Variants in NFIC observed in about 807,000 individuals in gnomAD.
NFIC encodes nuclear factor I C, also known as nuclear factor 1 C-type.
In NFIC, 12 loss-of-function variants were observed where a neutral mutation model predicts 54.4. That is an observed-to-expected ratio of 0.22 (90% CI 0.14 to 0.36). NFIC has a LOEUF of 0.36. Among genes scored for constraint, NFIC ranks in the 10% least tolerant of loss-of-function variants. The pLI, the probability that NFIC is intolerant of heterozygous loss-of-function variation, is 1.00. For missense variants in NFIC, 575 were observed against 718.2 expected (o/e 0.80, Z 2.28); for synonymous variants, 322 against 319.2 (o/e 1.01, Z -0.09).
chr19:3,370,510 T>TCCCTTTCTCCCC lies in NFIC; in HGVS notation c.30+3847_30+3858dup. Among the ~76,000 whole-genome samples the TCCCTTTCTCCCC allele has an allele frequency of 6.8e-6, 1 of 147,770 alleles. No individual in the cohort carries two copies. The highest frequency in any genetic ancestry group is 1.5e-5 in the Non-Finnish European group (1 of 67,096). The stretch of plus-strand genomic sequence containing the variant: ...CTCTCTCTCTCTCTCTCTGTCTCCC[T>TCCCTTTCTCCCC]CCCTTTCTCCCCCCATCTCGCTCTC... On this transcript the variant is annotated intron_variant, in intron 1 of 10. Transcript: ENST00000443272. The surrounding 1 kb of genome is among the most constrained non-coding windows in gnomAD (Gnocchi z 5.2).
Position 3,381,849 on chromosome 19 carries a change from G to A in NFIC, c.168G>A (p.Ala56=), listed in dbSNP as rs201762449. Residue 56 remains alanine (A), a synonymous_variant, in exon 2 of 11, where the codon GCG becomes GCA. Transcript: ENST00000443272. ...GGATGTCGAAGGACGAGGAGCGTGC[G>A]GTCAAGGACGAGCTGCTGGGCGAGA... The part of the protein sequence containing the change: ...EKRMSKDEER[A]VKDELLGEKP... The A allele has an allele frequency of 9.3e-6, 15 of 1,613,914 alleles. No individual in the cohort carries two copies. The highest frequency in any genetic ancestry group is 2.7e-5 in the African/African-American group (2 of 74,942).
intron 1 of NFIC, among the ~76,000 whole-genome samples, chr19:3,374,990 C>A (rs1271179574): frequency 6.6e-6 from 1 of 152,016 alleles, no homozygotes; most frequent in Non-Finnish European, 1.5e-5. Context: ...TGGCACCTGT[C>A]CCCGGAAAGG....
At chr19:3,390,991 A>G (rs1416939795) in intron 2 of NFIC, among the ~76,000 whole-genome samples, 1 of 152,138 alleles carries the variant, frequency 6.6e-6, no homozygotes, top group East Asian at 1.9e-4. Flanking sequence ...GGTTAATGCC[A>G]CTGAACTTAG....
chr19:3,393,051 C>T (rs1234496710), intron 2 of NFIC, among the ~76,000 whole-genome samples: 1 of 152,168 alleles, frequency 6.6e-6, no homozygotes, highest in Non-Finnish European at 1.5e-5. Context: ...AGCAATTCTC[C>T]CGCCTCAGCC....
In NFIC at chr19:3,467,821, A is replaced by G. The variant is rs1052360779; in HGVS notation, c.*5052A>G. ...GAATTTGTTTCTCATAATACAGAAT[A>G]TATAGTGGCTACCTTGTATCTTGGT... On this transcript the variant is annotated 3_prime_UTR_variant, in exon 11 of 11. Transcript: ENST00000443272. The G allele has an allele frequency of 8.9e-5, 12 of 134,832 alleles. No individual in the cohort carries two copies. Among genetic ancestry groups the G allele is most frequent in the African/African-American group, 2.4e-4 (8 of 32,980 alleles). The allele number at this position is 134,832 out of a possible 1,614,324, so 8.4% of individuals were successfully genotyped here. A position where few individuals can be genotyped will look rare whatever the true frequency, so the allele number is the denominator to read the frequency against.
At position 3,435,071 on chromosome 19, in the gene NFIC, C is replaced by T. The variant is rs765163100; in HGVS notation, c.834-12C>T. The T allele has an allele frequency of 2.5e-6, 4 of 1,578,996 alleles. No individual in the cohort carries two copies. Among genetic ancestry groups the T allele is most frequent in the Non-Finnish European group, 3.5e-6 (4 of 1,157,424 alleles). Reference sequence around the variant, plus strand: ...CCTGGTAACCAGCCTCTCCCCTTCCCTCGCCCATAAGGAGCAAGCGGCACA... The same window carrying T: ...CCTGGTAACCAGCCTCTCCCCTTCCTTCGCCCATAAGGAGCAAGCGGCACA... On this transcript the variant is annotated splice_polypyrimidine_tract_variant and intron_variant, in intron 5 of 10. Coordinates refer to ENST00000443272, the MANE Select transcript of NFIC (RefSeq NM_001245002.2).
At chr19:3,417,176 C>T (rs191556743) in intron 2 of NFIC, among the ~76,000 whole-genome samples, 47 of 152,104 alleles carry the variant, frequency 3.1e-4, no homozygotes, top group African/African-American at 7.0e-4. Context: ...TGTGCCACCA[C>T]GCCTGGCCTA....
intron 2 of NFIC, among the ~76,000 whole-genome samples, chr19:3,394,017 A>G (rs2081418204): frequency 6.6e-6 from 1 of 150,876 alleles, no homozygotes; most frequent in Non-Finnish European, 1.5e-5. Context: ...ATCTCGGCTC[A>G]CTGCAACCTC....
chr19:3,371,880 TCTCCTTC>T (rs1409492078), intron 1 of NFIC, among the ~76,000 whole-genome samples: 3 of 124,150 alleles, frequency 2.4e-5, no homozygotes, highest in Non-Finnish European at 3.6e-5. Context: ...TTTCTTTCTC[TCTCCTTC>T]CTTCCTTCCT....
intron 3 of NFIC, among the ~76,000 whole-genome samples, chr19:3,431,923 T>C (rs149911571): frequency 1.1e-3 from 161 of 152,334 alleles, no homozygotes; most frequent in African/African-American, 3.7e-3. Flanking sequence ...ACAGTGCTGC[T>C]AGGAACATTC....
chr19:3,368,443 C>T (rs920330355), intron 1 of NFIC, among the ~76,000 whole-genome samples: 1 of 152,200 alleles, frequency 6.6e-6, no homozygotes, highest in East Asian at 1.9e-4. Context: ...GCCAGGAGGG[C>T]TGTCTGTGGA....
intron 1 of NFIC, 53 bp downstream of exon 1, chr19:3,366,719 GC>G (rs1722801814): frequency 8.0e-7 from 1 of 1,243,784 alleles, no homozygotes; most frequent in Non-Finnish European, 1.0e-6. Flanking sequence ...CCGCATCCCA[GC>G]CCCGGAGTTT....
At chr19:3,398,367 T>G (rs1415730496) in intron 2 of NFIC, among the ~76,000 whole-genome samples, 1 of 152,162 alleles carries the variant, frequency 6.6e-6, no homozygotes, top group Non-Finnish European at 1.5e-5. Flanking sequence ...GAAGCCTCAC[T>G]GCAGAGGTTG....
intron 2 of NFIC, among the ~76,000 whole-genome samples, chr19:3,394,190 G>A (rs1025740744): frequency 2.6e-5 from 4 of 152,038 alleles, no homozygotes; most frequent in Admixed American, 2.0e-4. Context: ...AAAATTATTG[G>A]TCTATTGGTC....
chr19:3,452,531 G>A lies in NFIC; in HGVS notation c.1134G>A (p.Thr378=), dbSNP rs751065089. 9.3e-6 allele frequency: 15 copies of A among 1,613,228 alleles called. No homozygotes were observed. Among genetic ancestry groups the A allele is most frequent in the African/African-American group, 2.7e-5 (2 of 74,848 alleles). The change falls in exon 8 of 11, where the codon ACG becomes ACA. Residue 378 remains threonine, a synonymous_variant. Transcript: ENST00000443272. This position sits in a 1 kb window ranked among gnomAD's most constrained non-coding sequence, Gnocchi z 5.3. ...CCTCCGCTCTGCATTTCCCTACGAC[G>A]TCCATCCTACCCCAGACGGCCTCCA... The part of the protein sequence containing the change: ...HPSSALHFPT[T]SILPQTASTY...
chr19:3,466,246 G>C lies in NFIC; in HGVS notation c.*3477G>C, dbSNP rs1336532300. The stretch of plus-strand genomic sequence containing the variant: ...TTCTTTTTTTTTTTCTTTTCTTTTT[G>C]TTTTTAACTCCAGCTTCCTTTGCTT... On this transcript the variant is annotated 3_prime_UTR_variant, in exon 11 of 11. Coordinates refer to ENST00000443272, the MANE Select transcript of NFIC (RefSeq NM_001245002.2). This position sits in a 1 kb window ranked among gnomAD's most constrained non-coding sequence, Gnocchi z 4.8. 1 of 147,472 alleles carries C rather than the reference G, an allele frequency of 6.8e-6. No individual in the cohort carries two copies. The highest frequency in any genetic ancestry group is 1.5e-5 in the Non-Finnish European group (1 of 66,872). 9.1% of individuals were successfully genotyped at this position (147,472 alleles called of 1,614,324 possible).
intron 2 of NFIC, among the ~76,000 whole-genome samples, chr19:3,397,204 A>G (rs2081478653): frequency 6.6e-6 from 1 of 152,210 alleles, no homozygotes; most frequent in Non-Finnish European, 1.5e-5. Context: ...GGGGAAACTG[A>G]GGCCTAGAGA....
intron 7 of NFIC, among the ~76,000 whole-genome samples, chr19:3,449,960 C>A (rs2082434062): frequency 6.6e-6 from 1 of 151,776 alleles, no homozygotes; most frequent in Non-Finnish European, 1.5e-5. Context: ...GAGGCTGAGG[C>A]AGGAGAATCG....
Position 3,459,473 on chromosome 19 carries a change from G to A in NFIC, c.1509+2838G>A, listed in dbSNP as rs1180998219. ...GTAAACCGAGGGTGGGGGGCAAGGC[G>A]GGCATTGAGCCACATGCCGGGAGCC... is the stretch of plus-strand genomic sequence containing the variant. On this transcript the variant is annotated intron_variant, in intron 10 of 10. Coordinates refer to ENST00000443272, the MANE Select transcript of NFIC (RefSeq NM_001245002.2). This position sits in a 1 kb window ranked among gnomAD's most constrained non-coding sequence, Gnocchi z 4.2. 2.0e-5 allele frequency among the ~76,000 whole-genome samples: 3 copies of A among 152,116 alleles called. No homozygotes were observed. The highest frequency in any genetic ancestry group is 2.9e-5 in the Non-Finnish European group (2 of 68,036).
Sources: allele counts gnomAD v4.1 joint callset (sites outside exome capture counted in the v4.1 genomes callset), GRCh38; gene constraint gnomAD v4.1.1; non-coding constraint Gnocchi (gnomAD v3.1); transcripts MANE v1.5; gene names NCBI Gene and HGNC (gene_info 2026-07-23, HGNC 2026-07-21).